Variants in CCDC181 observed in about 807,000 individuals in gnomAD.
CCDC181 encodes the protein coiled-coil domain containing 181.
A neutral mutation model predicts 58.7 loss-of-function variants in CCDC181; 35 were observed. The observed-to-expected ratio is 0.60, with a 90% CI of 0.46 to 0.79. The LOEUF is 0.79. Ranked by LOEUF, CCDC181 falls within the 30% of genes least tolerant of loss-of-function variation. The pLI is 0.00. For synonymous variants in CCDC181, 183 were observed against 197.5 expected, an observed-to-expected ratio of 0.93 and a Z score of 0.62; for missense variants, 517 against 583.9, an observed-to-expected ratio of 0.89 and a Z score of 1.18.
chr1:169,439,576 CAGT>C (rs1459580145), intron 2 of CCDC181, among the ~76,000 whole-genome samples: 2 of 152,244 alleles, frequency 1.3e-5, no homozygotes, highest in African/African-American at 4.8e-5. Context: ...TCAGGACTCA[CAGT>C]AGCATCTCGG....
chr1:169,406,546 G>C (rs1265511271), intron 4 of CCDC181, among the ~76,000 whole-genome samples: 1 of 152,084 alleles, frequency 6.6e-6, no homozygotes, highest in African/African-American at 2.4e-5. Context: ...CTATCACAAG[G>C]ACAGAAAACC....
At chr1:169,450,305 C>G (rs78967023) in intron 2 of CCDC181, among the ~76,000 whole-genome samples, 6,805 of 152,172 alleles carry the variant, frequency 0.045, 212 homozygotes, top group East Asian at 0.12. Context: ...TGGTTACTTT[C>G]CCCCTCTATC....
intron 4 of CCDC181, among the ~76,000 whole-genome samples, chr1:169,402,004 T>C (rs575381007): frequency 6.6e-6 from 1 of 152,212 alleles, no homozygotes; most frequent in South Asian, 2.1e-4. Flanking sequence ...AACTACGCGA[T>C]GCATGCACAA....
At chr1:169,446,391 G>A (rs555022721) in intron 2 of CCDC181, among the ~76,000 whole-genome samples, 2 of 152,106 alleles carry the variant, frequency 1.3e-5, no homozygotes, top group Admixed American at 1.3e-4. Context: ...TTGTAGTGAG[G>A]TGAGATGGCA....
At chr1:169,427,665 G>A (rs1656777960), upstream of CCDC181, among the ~76,000 whole-genome samples, 1 of 152,200 alleles carries the variant, frequency 6.6e-6, no homozygotes, top group Non-Finnish European at 1.5e-5. Context: ...TCTTGTAGCT[G>A]TCTCTCGTCA....
intron 4 of CCDC181, among the ~76,000 whole-genome samples, chr1:169,402,588 T>C (rs1655412461): frequency 6.6e-6 from 1 of 152,086 alleles, no homozygotes; most frequent in Middle Eastern, 3.4e-3. Flanking sequence ...ATAAAATACC[T>C]TACAGACAAG....
At chr1:169,450,940 C>G (rs1657520781) in intron 2 of CCDC181, among the ~76,000 whole-genome samples, 1 of 152,166 alleles carries the variant, frequency 6.6e-6, no homozygotes, top group Admixed American at 6.5e-5. Context: ...ATCCAAAATG[C>G]TAGGAACCTA....
In CCDC181 at chr1:169,407,057, G is replaced by GA. The variant is rs33976978; in HGVS notation, c.1216-9667dup. On this transcript the variant is annotated intron_variant, in intron 4 of 5. Transcript: ENST00000367806. Reference sequence around the variant, plus strand: ...AGGAGAGGAGAAAAAAGATGAGGCAGAAAAAAAAAAAAAAAAAGCCTTTGA... The same window carrying GA: ...AGGAGAGGAGAAAAAAGATGAGGCAGAAAAAAAAAAAAAAAAAAGCCTTTGA... Among the ~76,000 whole-genome samples, 408 of 118,920 alleles carry GA rather than the reference G, an allele frequency of 3.4e-3. 3 individuals carry two copies. Among genetic ancestry groups the GA allele is most frequent in the South Asian group, 0.028 (96 of 3,468 alleles). 78.0% of individuals were successfully genotyped at this position (118,920 alleles called of 152,430 possible).
chr1:169,421,961 T>C lies in CCDC181; in HGVS notation c.470A>G (p.Gln157Arg). ...KRERKLKFKD[Q>R]LVDLEVPPLE... Reference sequence around the variant, plus strand: ...TGGAGGAACTTCCAAATCAACTAACTGGTCCTTGAACTTAAGTTTTCGCTC... The same window carrying C: ...TGGAGGAACTTCCAAATCAACTAACCGGTCCTTGAACTTAAGTTTTCGCTC... The change falls in exon 3 of 6, where the codon CAG becomes CGG. Residue 157 changes from glutamine (Q) to arginine (R), a missense_variant. By Grantham distance (43) the Gln-to-Arg change is conservative (BLOSUM62 1). Transcript: ENST00000367806. The C allele has an allele frequency of 1.2e-6, 2 of 1,614,062 alleles. No individual in the cohort carries two copies. Among genetic ancestry groups the C allele is most frequent in the Non-Finnish European group, 1.7e-6 (2 of 1,179,970 alleles).
intron 2 of CCDC181, among the ~76,000 whole-genome samples, chr1:169,444,383 A>T (rs1657315388): frequency 6.6e-6 from 1 of 152,184 alleles, no homozygotes; most frequent in Non-Finnish European, 1.5e-5. Context: ...TAATTTTTAA[A>T]GTAATTTCTC....
chr1:169,404,220 T>A (rs988230485), intron 4 of CCDC181, among the ~76,000 whole-genome samples: 11 of 152,178 alleles, frequency 7.2e-5, no homozygotes, highest in African/African-American at 2.7e-4. Flanking sequence ...CACAGCCAAA[T>A]TCTACCAGAG....
intron 2 of CCDC181, 116 bp downstream of exon 2, chr1:169,424,695 C>T: frequency 1.7e-6 from 1 of 603,884 alleles, no homozygotes; most frequent in South Asian, 2.5e-5. Flanking sequence ...AGTAATTTGC[C>T]CAATGTAGAT....
chr1:169,453,792 AC>A lies in CCDC181; in HGVS notation c.-24+6004del, dbSNP rs570981977. ...GAGCATAAAGTGAATGTCCCTCCCT[AC>A]CAGTGGGCATCAGAGAGAAAATGTG... is the stretch of plus-strand genomic sequence containing the variant. On this transcript the variant is annotated intron_variant, in intron 2 of 6. Transcript: ENST00000545005. Among the ~76,000 whole-genome samples the A allele has an allele frequency of 1.3e-3, 190 of 150,090 alleles. 5 individuals carry two copies. Among genetic ancestry groups the A allele is most frequent in the Middle Eastern group, 6.9e-3 (2 of 290 alleles).
chr1:169,431,505 A>G (rs1164551249), upstream of CCDC181, among the ~76,000 whole-genome samples: 1 of 152,244 alleles, frequency 6.6e-6, no homozygotes, highest in Non-Finnish European at 1.5e-5. Flanking sequence ...AGGAAGCACC[A>G]GGAATCTATC....
chr1:169,400,227 T>C (rs138309667), intron 4 of CCDC181, among the ~76,000 whole-genome samples: 2 of 152,254 alleles, frequency 1.3e-5, no homozygotes, highest in African/African-American at 4.8e-5. Context: ...GAAATAAGGG[T>C]CATGTCCTAG....
chr1:169,434,352 C>G (rs1656999386), intron 2 of CCDC181, among the ~76,000 whole-genome samples: 1 of 151,980 alleles, frequency 6.6e-6, no homozygotes, highest in African/African-American at 2.4e-5. Flanking sequence ...AATGGTACAA[C>G]TGCTATGGAA....
intron 4 of CCDC181, among the ~76,000 whole-genome samples, chr1:169,400,911 ATGACAGATGGTACC>A: frequency 6.6e-6 from 1 of 152,254 alleles, no homozygotes; most frequent in Admixed American, 6.5e-5. Flanking sequence ...AAGGGAAGCT[ATGACAGATGGTACC>A]TGGAAAACTG....
chr1:169,426,431 C>T (rs1392508406), intron 1 of CCDC181, among the ~76,000 whole-genome samples: 1 of 152,114 alleles, frequency 6.6e-6, no homozygotes, highest in Non-Finnish European at 1.5e-5. Flanking sequence ...TCTAGGTAAA[C>T]GGCTTAGACC....
upstream of CCDC181, among the ~76,000 whole-genome samples, chr1:169,428,281 T>C (rs1328945389): frequency 6.6e-6 from 1 of 152,236 alleles, no homozygotes; most frequent in Admixed American, 6.5e-5. Context: ...AATGACCTAA[T>C]GTTGCTACTG....
Sources: gnomAD v4.1 joint callset for allele counts (sites outside exome capture counted in the v4.1 genomes callset) on GRCh38, gnomAD v4.1.1 for gene constraint, MANE v1.5 for transcripts, NCBI Gene and HGNC (gene_info 2026-07-23, HGNC 2026-07-21) for gene names.